Variants in WWOX observed in about 807,000 individuals in gnomAD.
WWOX encodes WW domain-containing oxidoreductase.
A neutral mutation model predicts 46.2 loss-of-function variants in WWOX; 69 were observed. The ratio of observed to expected loss-of-function variants is 1.49; its 90% CI spans 1.23 to 1.82. The LOEUF is 1.82. Among genes scored for constraint, WWOX ranks in the 40% most tolerant of loss-of-function variants. The pLI, the probability that WWOX is intolerant of heterozygous loss-of-function variation, is 0.00. For synonymous variants in WWOX, 359 were observed against 202.6 expected, an observed-to-expected ratio of 1.77 and a Z score of -6.56; for missense variants, 919 against 542.6, an observed-to-expected ratio of 1.69 and a Z score of -6.89.
intron 8 of WWOX, among the ~76,000 whole-genome samples, chr16:78,789,469 A>G (rs1342388402): frequency 6.6e-6 from 1 of 152,090 alleles, no homozygotes; most frequent in African/African-American, 2.4e-5. Flanking sequence ...AAATGTAAGT[A>G]TTTCTTTCTG....
intron 8 of WWOX, among the ~76,000 whole-genome samples, chr16:78,795,581 C>G (rs1031307646): frequency 6.6e-6 from 1 of 152,220 alleles, no homozygotes; most frequent in Non-Finnish European, 1.5e-5. Context: ...ACACAGATTT[C>G]TGGGACAGTG....
chr16:78,506,712 T>G (rs897771106), intron 8 of WWOX: 1 of 19,778 alleles, frequency 5.1e-5, no homozygotes. Context: ...TTTTTTTTTT[T>G]TTTTTTTTTT....
At chr16:78,534,408 A>G (rs982876385) in intron 8 of WWOX, 5 of 152,242 alleles carry the variant, frequency 3.3e-5, no homozygotes, top group African/African-American at 4.8e-5. Flanking sequence ...ACTGAAAACC[A>G]TTGAGAGGCT....
chr16:78,161,982 C>G (rs904081214), intron 4 of WWOX, among the ~76,000 whole-genome samples: 4 of 152,142 alleles, frequency 2.6e-5, no homozygotes, highest in Admixed American at 2.6e-4. Flanking sequence ...ACAGATTTCA[C>G]TCTTACCATT....
At chr16:78,710,492 A>ATATATATATATATATATATATATATATT (rs1264804916) in intron 8 of WWOX, among the ~76,000 whole-genome samples, 3 of 134,904 alleles carry the variant, frequency 2.2e-5, no homozygotes, top group Non-Finnish European at 3.2e-5. Context: ...ATATATATAT[A>ATATATATATATATATATATATATATATT]TATATATTTA....
chr16:78,750,085 G>C (rs1017257546), intron 8 of WWOX, among the ~76,000 whole-genome samples: 2 of 152,212 alleles, frequency 1.3e-5, no homozygotes, highest in Admixed American at 6.5e-5. Flanking sequence ...AGGCATTGCT[G>C]AAAGTCTTTT....
chr16:78,461,537 G>A (rs191929952), intron 8 of WWOX, among the ~76,000 whole-genome samples: 2 of 152,140 alleles, frequency 1.3e-5, no homozygotes, highest in African/African-American at 2.4e-5. Flanking sequence ...AGATCCTTTC[G>A]CAAGGATCCC....
chr16:78,636,806 C>T (rs1458190488), intron 8 of WWOX, among the ~76,000 whole-genome samples: 1 of 152,136 alleles, frequency 6.6e-6, no homozygotes, highest in African/African-American at 2.4e-5. Context: ...AGGCATTCAA[C>T]CTCCTGTTAA....
chr16:78,972,880 G>A (rs2046499132), intron 8 of WWOX, among the ~76,000 whole-genome samples: 1 of 152,218 alleles, frequency 6.6e-6, no homozygotes, highest in African/African-American at 2.4e-5. Context: ...TCCCCGCCTT[G>A]TAAGGGCTGC....
chr16:78,290,224 A>AGAGCACTCTGC lies in WWOX; in HGVS notation c.517-96620_517-96610dup, dbSNP rs201738326. Among the ~76,000 whole-genome samples the AGAGCACTCTGC allele has an allele frequency of 6.6e-5, 10 of 152,164 alleles. No homozygotes were observed. The East Asian group carries it at 7.7e-4, about 12-fold the overall frequency. ...AACTCACTTGGCAACATTTACTTAG[A>AGAGCACTCTGC]GAGCACTCTGCGAGCACTCTGCGAG... On this transcript the variant is annotated intron_variant, in intron 5 of 8. Transcript: ENST00000566780.
intron 8 of WWOX, among the ~76,000 whole-genome samples, chr16:78,555,685 C>G (rs997555103): frequency 6.6e-6 from 1 of 151,174 alleles, no homozygotes; most frequent in African/African-American, 2.4e-5. Flanking sequence ...GGACAATGTT[C>G]ACCCTTTGGA....
intron 8 of WWOX, among the ~76,000 whole-genome samples, chr16:78,582,359 C>T (rs532427237): frequency 6.6e-6 from 1 of 152,132 alleles, no homozygotes; most frequent in South Asian, 2.1e-4. Context: ...TTAATTTAGA[C>T]AAGAATGTGG....
chr16:79,134,939 C>A (rs1219104311), intron 8 of WWOX, among the ~76,000 whole-genome samples: 2 of 152,140 alleles, frequency 1.3e-5, no homozygotes, highest in African/African-American at 4.8e-5. Flanking sequence ...GAGTTCCAAA[C>A]AGGGTATGTG....
intron 8 of WWOX, among the ~76,000 whole-genome samples, chr16:78,982,605 G>T (rs2046704760): frequency 6.6e-6 from 1 of 152,150 alleles, no homozygotes; most frequent in Non-Finnish European, 1.5e-5. Flanking sequence ...ATGCTCTATG[G>T]CTTCTTGACA....
intron 5 of WWOX, among the ~76,000 whole-genome samples, chr16:78,342,591 C>G (rs1429362478): frequency 8.3e-6 from 1 of 120,462 alleles, no homozygotes; most frequent in East Asian, 1.9e-4. Flanking sequence ...CTAAAGGTCT[C>G]TAGCCCAGAA....
intron 8 of WWOX, among the ~76,000 whole-genome samples, chr16:79,010,637 G>C (rs1280041384): frequency 1.3e-5 from 2 of 152,132 alleles, no homozygotes; most frequent in Admixed American, 1.3e-4. Flanking sequence ...AGGGAAGGAG[G>C]AGACGGAGAA....
Position 79,176,163 on chromosome 16 carries a change from C to T in WWOX, c.1057-35445C>T, listed in dbSNP as rs73582779. On this transcript the variant is annotated intron_variant, in intron 8 of 8. Transcript: ENST00000566780. ...GCTGAGCTACAGTAAGAAATAGCCC[C>T]CAAAATGCATTATAGCTGAAACCCC... 8.7e-3 allele frequency among the ~76,000 whole-genome samples: 1,319 copies of T among 152,254 alleles called. 17 individuals carry two copies. The highest frequency in any genetic ancestry group is 0.03 in the African/African-American group (1,254 of 41,542).
intron 8 of WWOX, among the ~76,000 whole-genome samples, chr16:78,745,310 A>C (rs1225891114): frequency 1.3e-5 from 2 of 151,990 alleles, no homozygotes; most frequent in African/African-American, 2.4e-5. Context: ...GCCTTCCTCC[A>C]CCTCTGCCTT....
chr16:78,885,745 T>G (rs951153218), intron 8 of WWOX, among the ~76,000 whole-genome samples: 29 of 152,110 alleles, frequency 1.9e-4, no homozygotes, highest in African/African-American at 6.8e-4. Context: ...GGGGAAAGTT[T>G]TTTTTTTAAC....
Sources: allele counts gnomAD v4.1 joint callset (sites outside exome capture counted in the v4.1 genomes callset), GRCh38; gene constraint gnomAD v4.1.1; transcripts MANE v1.5; gene names NCBI Gene and HGNC (gene_info 2026-07-23, HGNC 2026-07-21).